The following GMDS variants were observed in gnomAD, a reference collection of about 807,000 sequenced individuals.
GMDS encodes the protein GDP-mannose 4,6 dehydratase.
Under a neutral mutation model 49.9 loss-of-function variants are expected in GMDS, and 20 were observed. The observed-to-expected ratio is 0.40, with a 90% CI of 0.28 to 0.58. The LOEUF is 0.58. Among genes scored for constraint, GMDS ranks in the 20% least tolerant of loss-of-function variants. The pLI, the probability that GMDS is intolerant of heterozygous loss-of-function variation, is 0.42. For synonymous variants in GMDS, 177 were observed against 178.6 expected (o/e 0.99, Z 0.07); for missense variants, 362 against 481.4 (o/e 0.75, Z 2.32).
intron 9 of GMDS, among the ~76,000 whole-genome samples, chr6:1,724,561 T>C (rs1487017335): frequency 3.9e-5 from 6 of 152,230 alleles, no homozygotes; most frequent in Admixed American, 3.3e-4. Context: ...ATTTAAGTTG[T>C]AAAAATTGAG....
At chr6:1,649,122 T>A (rs1763574571) in intron 9 of GMDS, among the ~76,000 whole-genome samples, 1 of 152,220 alleles carries the variant, frequency 6.6e-6, no homozygotes, top group South Asian at 2.1e-4. Context: ...TGCCAGTAAG[T>A]CTAGGGTTCA....
chr6:1,780,898 A>T (rs536113533), intron 7 of GMDS, among the ~76,000 whole-genome samples: 2 of 152,216 alleles, frequency 1.3e-5, no homozygotes, highest in Non-Finnish European at 2.9e-5. Context: ...CCAAACTTAT[A>T]TTTTAAAAAC....
intron 4 of GMDS, among the ~76,000 whole-genome samples, chr6:1,971,615 A>G (rs1764617450): frequency 6.6e-6 from 1 of 152,168 alleles, no homozygotes; most frequent in Non-Finnish European, 1.5e-5. Context: ...TGACAAGGTA[A>G]CAATCCCCAA....
chr6:1,651,536 T>C (rs1433164905), intron 9 of GMDS, among the ~76,000 whole-genome samples: 1 of 152,164 alleles, frequency 6.6e-6, no homozygotes, highest in Non-Finnish European at 1.5e-5. Flanking sequence ...AGAAGAACAG[T>C]TGTTGGGGGC....
At chr6:1,829,616 G>A (rs930551546) in intron 7 of GMDS, among the ~76,000 whole-genome samples, 2 of 152,188 alleles carry the variant, frequency 1.3e-5, no homozygotes, top group South Asian at 4.1e-4. Context: ...TTTCTAAAAT[G>A]TTTTGCAGAG....
intron 4 of GMDS, among the ~76,000 whole-genome samples, chr6:2,112,174 T>C (rs114996471): frequency 6.6e-6 from 1 of 152,250 alleles, no homozygotes; most frequent in African/African-American, 2.4e-5. Flanking sequence ...TCTCAGACTA[T>C]GTACAATTCA....
chr6:1,652,877 G>A (rs777326315), intron 9 of GMDS, among the ~76,000 whole-genome samples: 9 of 141,180 alleles, frequency 6.4e-5, no homozygotes, highest in Non-Finnish European at 1.2e-4. Flanking sequence ...TGTACAGGCT[G>A]CCACACTCAT....
chr6:1,939,574 C>CAT (rs200730469), intron 6 of GMDS, among the ~76,000 whole-genome samples: 63 of 133,134 alleles, frequency 4.7e-4, no homozygotes, highest in African/African-American at 1.5e-3. Context: ...TACCTATATA[C>CAT]ATATATATAC....
intron 7 of GMDS, among the ~76,000 whole-genome samples, chr6:1,820,345 C>CTT (rs1435586512): frequency 6.6e-6 from 1 of 152,164 alleles, no homozygotes; most frequent in Non-Finnish European, 1.5e-5. Flanking sequence ...AATTTTCCCC[C>CTT]TTTGGCAGTC....
intron 7 of GMDS, among the ~76,000 whole-genome samples, chr6:1,895,004 A>T (rs961658372): frequency 9.8e-5 from 15 of 152,304 alleles, no homozygotes; most frequent in African/African-American, 2.9e-4. Context: ...CCGGTTGGAT[A>T]TCTTCTAGAA....
intron 1 of GMDS, among the ~76,000 whole-genome samples, chr6:2,185,036 C>T (rs1778716875): frequency 2.0e-5 from 3 of 152,184 alleles, no homozygotes; most frequent in African/African-American, 4.8e-5. Context: ...ACAGGGCTCA[C>T]GTTCTATGGT....
chr6:1,924,140 C>T (rs1761872198), intron 7 of GMDS, among the ~76,000 whole-genome samples: 1 of 152,206 alleles, frequency 6.6e-6, no homozygotes, highest in African/African-American at 2.4e-5. Context: ...ACATTTAAAA[C>T]CTATAAGAAG....
intron 7 of GMDS, among the ~76,000 whole-genome samples, chr6:1,757,691 A>C (rs1191002874): frequency 6.6e-6 from 1 of 152,208 alleles, no homozygotes; most frequent in Non-Finnish European, 1.5e-5. Context: ...TGAAGTGTTG[A>C]CAATCACTGT....
intron 1 of GMDS, among the ~76,000 whole-genome samples, chr6:2,198,783 T>G (rs1169806683): frequency 1.3e-5 from 2 of 152,224 alleles, no homozygotes; most frequent in Non-Finnish European, 2.9e-5. Flanking sequence ...ATGCATGGTG[T>G]CTGGAATAGA....
chr6:2,218,559 C>A (rs1267996041), intron 1 of GMDS, among the ~76,000 whole-genome samples: 1 of 152,168 alleles, frequency 6.6e-6, no homozygotes, highest in African/African-American at 2.4e-5. Context: ...TACTATGATA[C>A]CACACTTTTA....
chr6:2,215,232 G>A (rs371949404), intron 1 of GMDS, among the ~76,000 whole-genome samples: 3 of 152,094 alleles, frequency 2.0e-5, no homozygotes, highest in Admixed American at 6.5e-5. Flanking sequence ...TACAGAGATA[G>A]AGACACAGAG....
At chr6:2,170,600 C>A (rs969984528) in intron 1 of GMDS, among the ~76,000 whole-genome samples, 3 of 151,604 alleles carry the variant, frequency 2.0e-5, no homozygotes, top group Non-Finnish European at 2.9e-5. Flanking sequence ...GCATTCCAGC[C>A]TGGGTGACAG....
intron 1 of GMDS, among the ~76,000 whole-genome samples, chr6:2,177,956 T>TA (rs1251078449): frequency 6.6e-6 from 1 of 152,238 alleles, no homozygotes; most frequent in East Asian, 1.9e-4. Flanking sequence ...TATTCAGCCA[T>TA]AAAAAAGAAC....
chr6:1,957,239 A>G (rs1172800765), intron 6 of GMDS, among the ~76,000 whole-genome samples: 1 of 152,200 alleles, frequency 6.6e-6, no homozygotes, highest in Non-Finnish European at 1.5e-5. Flanking sequence ...AACATGAGAT[A>G]TTAACTTATT....
Sources: gnomAD v4.1 joint callset for allele counts (sites outside exome capture counted in the v4.1 genomes callset) on GRCh38, gnomAD v4.1.1 for gene constraint, MANE v1.5 for transcripts, NCBI Gene and HGNC (gene_info 2026-07-23, HGNC 2026-07-21) for gene names.